Variants in VSX2 observed in about 807,000 individuals in gnomAD.
The protein encoded by VSX2 is visual system homeobox 2.
In VSX2, 28 loss-of-function variants were observed where a neutral mutation model predicts 32.1. The ratio of observed to expected loss-of-function variants is 0.87; its 90% confidence interval spans 0.65 to 1.20. The LOEUF (loss-of-function observed/expected upper bound fraction) is 1.20. VSX2 is among the 50% of genes most tolerant of loss of function. VSX2 has a pLI of 0.00. For synonymous variants in VSX2, 243 were observed against 214.1 expected (o/e 1.14, Z -1.18); for missense variants, 506 against 488.7 (o/e 1.04, Z -0.33).
At chr14:74,245,365 C>T in intron 3 of VSX2, 77 bp downstream of exon 3, 1 of 1,587,762 alleles carries the variant, frequency 6.3e-7, no homozygotes, top group South Asian at 1.1e-5. Context: ...TCCAGATGCC[C>T]ATGACCCCGC....
At chr14:74,257,557 A>C (rs8016365) in intron 3 of VSX2, among the ~76,000 whole-genome samples, 3 of 152,028 alleles carry the variant, frequency 2.0e-5, no homozygotes, top group Admixed American at 1.3e-4. Flanking sequence ...GTGCGCGTGC[A>C]GTGTTCTGTG....
intron 3 of VSX2, among the ~76,000 whole-genome samples, chr14:74,255,495 G>T (rs1165583730): frequency 6.6e-6 from 1 of 152,212 alleles, no homozygotes; most frequent in Non-Finnish European, 1.5e-5. Context: ...AGCTGGCACT[G>T]GCTCCCCTGG....
intron 2 of VSX2, among the ~76,000 whole-genome samples, chr14:74,244,929 T>TGTGTGTGTGAGAGAGAGAGA (rs1555387789): frequency 4.4e-4 from 17 of 38,892 alleles, no homozygotes; most frequent in East Asian, 1.1e-3. Context: ...TGTGTGTGTG[T>TGTGTGTGTGAGAGAGAGAGA]GAAAGAGAGA....
chr14:74,259,724 G>A lies in VSX2; in HGVS notation c.702G>A (p.Glu234=). 6.2e-7 allele frequency: 1 copy of A among 1,613,742 alleles called. No individual in the cohort carries two copies. Among genetic ancestry groups the A allele is most frequent in the East Asian group, 2.2e-5 (1 of 44,862 alleles). ...TGCGGCACTCCATCCCCCTGCCCGA[G>A]TCCATCCTCAAGTCAGCCAAGGATG... is the stretch of plus-strand genomic sequence containing the variant. The part of the protein sequence containing the change: ...AMVRHSIPLP[E]SILKSAKDGI... Residue 234 remains glutamate (E), a synonymous_variant, in exon 4 of 5, where the codon GAG becomes GAA. Transcript: ENST00000261980.
chr14:74,241,320 C>G (rs1028294885), intron 2 of VSX2, 54 bp downstream of exon 2: 37 of 1,580,380 alleles, frequency 2.3e-5, no homozygotes, highest in African/African-American at 6.7e-5. Flanking sequence ...GCTGCCGTCC[C>G]CCGTTCCGGG....
At position 74,261,350 on chromosome 14, in the gene VSX2, G is replaced by A. The variant is rs574115764; in HGVS notation, c.*431G>A. The A allele has an allele frequency of 3.2e-5, 6 of 186,146 alleles. No individual in the cohort carries two copies. In the East Asian group the frequency reaches 5.1e-4, roughly 16 times the overall value. The allele number at this position is 186,146 out of a possible 1,614,324, so 11.5% of individuals were successfully genotyped here. ...TGCCTGCCATGGCTGTGACACAGAC[G>A]GAGGACTGGAACTGCAACTCCAGCG... On this transcript the variant is annotated 3_prime_UTR_variant, in exon 5 of 5. Coordinates refer to ENST00000261980, the MANE Select transcript of VSX2 (RefSeq NM_182894.3).
rs1412832591 is a variant in VSX2, at chr14:74,260,843, C to T, written c.1010C>T (p.Pro337Leu). 5.1e-6 allele frequency: 8 copies of T among 1,566,932 alleles called. No homozygotes were observed. In the South Asian group the frequency reaches 5.9e-5, roughly 11 times the overall value. Reference protein sequence around the residue: ...PDSLARSTEKPEEEEAMDEDR... With the variant: ...PDSLARSTEKLEEEEAMDEDR... ...AGCCTGGCCCGGAGTACCGAGAAGCCAGAGGAGGAGGAGGCCATGGATGAA... is the reference window on the plus strand; with the variant it reads ...AGCCTGGCCCGGAGTACCGAGAAGCTAGAGGAGGAGGAGGCCATGGATGAA... The change falls in exon 5 of 5, where the codon CCA becomes CTA. Residue 337 changes from proline (P) to leucine (L), a missense_variant. By Grantham distance (98) the Pro-to-Leu change is moderately conservative (BLOSUM62 -3). Transcript: ENST00000261980.
At chr14:74,260,406 A>G (rs1303761480) in intron 4 of VSX2, among the ~76,000 whole-genome samples, 188 bp from the exon 5 acceptor site, 1 of 152,196 alleles carries the variant, frequency 6.6e-6, no homozygotes, top group African/African-American at 2.4e-5. Context: ...GAGGTCCTCC[A>G]CAGGGCTGGC....
intron 2 of VSX2, 76 bp downstream of exon 2, chr14:74,241,342 C>T (rs960812795): frequency 2.7e-6 from 4 of 1,493,692 alleles, no homozygotes; most frequent in South Asian, 1.1e-5. Flanking sequence ...TCGGGTCTCT[C>T]GGACCCTATT....
In VSX2 at chr14:74,260,948, C is replaced by T; in HGVS notation, c.*29C>T. On this transcript the variant is annotated 3_prime_UTR_variant, in exon 5 of 5. Transcript: ENST00000261980. ...AAGGCGCGCTCAGATGCCGGAGCCC[C>T]AAGACTCTGCTCTCCTCGGGCCCTG... The T allele has an allele frequency of 6.5e-7, 1 of 1,548,564 alleles. No individual in the cohort carries two copies. The highest frequency in any genetic ancestry group is 8.7e-7 in the Non-Finnish European group (1 of 1,146,538).
At chr14:74,257,751 C>G (rs1056385879) in intron 3 of VSX2, among the ~76,000 whole-genome samples, 26 of 152,128 alleles carry the variant, frequency 1.7e-4, no homozygotes, top group Admixed American at 1.5e-3. Context: ...CCCCAGCTCC[C>G]GCTCCCCAGG....
At chr14:74,247,088 G>A (rs896043679) in intron 3 of VSX2, among the ~76,000 whole-genome samples, 4 of 152,058 alleles carry the variant, frequency 2.6e-5, no homozygotes, top group Non-Finnish European at 4.4e-5. Context: ...TGTGGATATC[G>A]GAGAAATGAG....
intron 3 of VSX2, among the ~76,000 whole-genome samples, chr14:74,257,881 C>G (rs1006788706): frequency 6.6e-6 from 1 of 152,198 alleles, no homozygotes; most frequent in Non-Finnish European, 1.5e-5. Flanking sequence ...CAGGCGCTGC[C>G]GAGCGTCCCA....
At position 74,260,964 on chromosome 14, in the gene VSX2, T is replaced by C. The variant is rs546717162; in HGVS notation, c.*45T>C. ...CCGGAGCCCCAAGACTCTGCTCTCC[T>C]CGGGCCCTGTGGTGCTGGGAGATGC... On this transcript the variant is annotated 3_prime_UTR_variant, in exon 5 of 5. Transcript: ENST00000261980. 602 of 1,545,006 alleles carry C rather than the reference T, an allele frequency of 3.9e-4. No homozygotes were observed. Among genetic ancestry groups the C allele is most frequent in the Admixed American group, 1.1e-3 (57 of 50,926 alleles).
Position 74,239,469 on chromosome 14 carries a change from G to T in VSX2, c.-93G>T. 3.3e-6 allele frequency: 5 copies of T among 1,522,156 alleles called. No homozygotes were observed. Among genetic ancestry groups the T allele is most frequent in the Non-Finnish European group, 4.4e-6 (5 of 1,124,090 alleles). 94.3% of individuals were successfully genotyped at this position (1,522,156 alleles called of 1,614,324 possible). A position where few individuals can be genotyped will look rare whatever the true frequency, so the allele number is the denominator to read the frequency against. On this transcript the variant is annotated 5_prime_UTR_variant, in exon 1 of 5. Coordinates refer to ENST00000261980, the MANE Select transcript of VSX2 (RefSeq NM_182894.3). ...TCCAGAGCATTAGACACCGGAGGGG[G>T]CACCTGGGACCAACTTCGCGAAGCG...
chr14:74,245,993 C>T (rs7157482), intron 3 of VSX2, among the ~76,000 whole-genome samples: 107,446 of 152,208 alleles, frequency 0.71, 40,960 homozygotes, highest in Admixed American at 0.83. Context: ...CATGGGGCCT[C>T]CACTTAGCGG....
In VSX2 at chr14:74,244,851, G is replaced by A. The variant is rs116619055; in HGVS notation, c.456-314G>A. Among the ~76,000 whole-genome samples, 172 of 130,610 alleles carry A rather than the reference G, an allele frequency of 1.3e-3. 2 individuals carry two copies. Among genetic ancestry groups the A allele is most frequent in the African/African-American group, 4.2e-3 (166 of 39,084 alleles). 85.7% of individuals were successfully genotyped at this position (130,610 alleles called of 152,430 possible). ...AGCCTTGAGGAAGAAGAGTCCGGAG[G>A]GTTAAACTATGAGACAGAGAGAGAG... is the stretch of plus-strand genomic sequence containing the variant. On this transcript the variant is annotated intron_variant, in intron 2 of 4. Transcript: ENST00000261980.
chr14:74,254,074 G>T (rs1185653717), intron 3 of VSX2, among the ~76,000 whole-genome samples: 1 of 152,178 alleles, frequency 6.6e-6, no homozygotes, highest in African/African-American at 2.4e-5. Flanking sequence ...CTGTGTAGGT[G>T]TTCCCCTGTA....
At chr14:74,247,367 C>T (rs1197102519) in intron 3 of VSX2, among the ~76,000 whole-genome samples, 1 of 152,206 alleles carries the variant, frequency 6.6e-6, no homozygotes, top group African/African-American at 2.4e-5. Context: ...CCTGGCCGGG[C>T]TTCACATGCC....
Sources: gnomAD v4.1 joint callset for allele counts (sites outside exome capture counted in the v4.1 genomes callset) on GRCh38, gnomAD v4.1.1 for gene constraint, MANE v1.5 for transcripts, NCBI Gene and HGNC (gene_info 2026-07-23, HGNC 2026-07-21) for gene names.